Variants in NEGR1 observed in about 807,000 individuals in gnomAD.
The protein encoded by NEGR1 is neuronal growth regulator 1.
Under a neutral mutation model 40.9 loss-of-function variants are expected in NEGR1, and 10 were observed. The ratio of observed to expected loss-of-function variants is 0.24; its 90% CI spans 0.15 to 0.42. The LOEUF is 0.42. Among genes scored for constraint, NEGR1 ranks in the 10% least tolerant of loss-of-function variants. The pLI, the probability that NEGR1 is intolerant of heterozygous loss-of-function variation, is 1.00. For missense variants in NEGR1, 352 were observed against 438.9 expected, an observed-to-expected ratio of 0.80 and a Z score of 1.77; for synonymous variants, 185 against 166.8, an observed-to-expected ratio of 1.11 and a Z score of -0.84.
intron 1 of NEGR1, among the ~76,000 whole-genome samples, chr1:72,134,763 G>A (rs976927120): frequency 1.3e-5 from 2 of 150,532 alleles, no homozygotes; most frequent in African/African-American, 4.9e-5. Flanking sequence ...TTGAGATGGA[G>A]TTTCGCTCTT....
intron 1 of NEGR1, among the ~76,000 whole-genome samples, chr1:72,217,413 G>T (rs150250272): frequency 6.6e-6 from 1 of 151,656 alleles, no homozygotes; most frequent in East Asian, 1.9e-4. Flanking sequence ...ATCTTGAGTG[G>T]CTTTTTTTAA....
At chr1:72,224,201 C>A (rs1227310412) in intron 1 of NEGR1, among the ~76,000 whole-genome samples, 1 of 67,552 alleles carries the variant, frequency 1.5e-5, no homozygotes, top group Non-Finnish European at 5.1e-5. Context: ...TCAACATTTA[C>A]TGTCTAAGTT....
chr1:71,568,075 CA>C (rs1305108108), intron 6 of NEGR1, among the ~76,000 whole-genome samples: 1 of 152,086 alleles, frequency 6.6e-6, no homozygotes, highest in Non-Finnish European at 1.5e-5. Context: ...TGTATAAGTT[CA>C]AAGATTCACA....
chr1:71,948,248 C>T (rs906294868), intron 1 of NEGR1, among the ~76,000 whole-genome samples: 12 of 151,936 alleles, frequency 7.9e-5, no homozygotes, highest in African/African-American at 2.9e-4. Context: ...AAAAATTGTG[C>T]CCTATTCTAC....
At chr1:71,809,677 G>T (rs1657918218) in intron 2 of NEGR1, among the ~76,000 whole-genome samples, 1 of 151,998 alleles carries the variant, frequency 6.6e-6, no homozygotes, top group Non-Finnish European at 1.5e-5. Flanking sequence ...TGACTTCATA[G>T]TATTATTATA....
At chr1:72,237,893 CT>C (rs1157416268) in intron 1 of NEGR1, among the ~76,000 whole-genome samples, 2 of 151,818 alleles carry the variant, frequency 1.3e-5, no homozygotes, top group Admixed American at 1.3e-4. Context: ...TAATAACAGC[CT>C]TATGCAGGGT....
chr1:72,065,302 T>G (rs72680872), intron 1 of NEGR1, among the ~76,000 whole-genome samples: 105 of 152,190 alleles, frequency 6.9e-4, no homozygotes, highest in Non-Finnish European at 1.2e-3. Context: ...TTCTTAAAAT[T>G]TATGTATTCT....
chr1:71,905,025 T>C (rs1397507812), intron 2 of NEGR1, among the ~76,000 whole-genome samples: 2 of 152,100 alleles, frequency 1.3e-5, no homozygotes, highest in Non-Finnish European at 2.9e-5. Flanking sequence ...TTTAGAATGT[T>C]CCTCCAAAAA....
chr1:72,006,591 A>G (rs1557480133), intron 1 of NEGR1, among the ~76,000 whole-genome samples: 1 of 152,212 alleles, frequency 6.6e-6, no homozygotes, highest in Non-Finnish European at 1.5e-5. Flanking sequence ...TTAAGCACCC[A>G]GTAATTAGCC....
intron 4 of NEGR1, among the ~76,000 whole-genome samples, chr1:71,631,019 A>C (rs963485804): frequency 6.6e-6 from 1 of 151,920 alleles, no homozygotes; most frequent in Admixed American, 6.6e-5. Flanking sequence ...TTATGAACTG[A>C]ATTTATTAAC....
chr1:71,569,041 C>T (rs1570044408), intron 6 of NEGR1, among the ~76,000 whole-genome samples: 2 of 151,878 alleles, frequency 1.3e-5, no homozygotes, highest in African/African-American at 2.4e-5. Context: ...CTCAGCTTCC[C>T]GAGTAGCTGG....
chr1:71,863,909 T>C (rs1283563964), intron 2 of NEGR1, among the ~76,000 whole-genome samples: 2 of 152,144 alleles, frequency 1.3e-5, no homozygotes, highest in Non-Finnish European at 2.9e-5. Flanking sequence ...AGTTTATACA[T>C]GTTATCTTAT....
At chr1:71,950,101 T>G (rs911212403) in intron 1 of NEGR1, among the ~76,000 whole-genome samples, 1 of 152,096 alleles carries the variant, frequency 6.6e-6, no homozygotes, top group Non-Finnish European at 1.5e-5. Flanking sequence ...ATTATTCTTA[T>G]GAATTCAAAG....
chr1:71,480,238 C>A (rs1386052936), intron 6 of NEGR1, among the ~76,000 whole-genome samples: 1 of 151,836 alleles, frequency 6.6e-6, no homozygotes, highest in Non-Finnish European at 1.5e-5. Flanking sequence ...TCAAAACAAT[C>A]CTGTGAATCT....
intron 1 of NEGR1, among the ~76,000 whole-genome samples, chr1:72,167,991 A>ATATTAT (rs537158290): frequency 7.4e-5 from 10 of 135,572 alleles, no homozygotes; most frequent in African/African-American, 1.9e-4. Flanking sequence ...TAAGGTAGTT[A>ATATTAT]TATTATTATT....
intron 2 of NEGR1, among the ~76,000 whole-genome samples, chr1:71,898,959 TA>T (rs1661057305): frequency 5.4e-5 from 5 of 93,284 alleles, no homozygotes; most frequent in East Asian, 4.5e-4. Context: ...AATATATATA[TA>T]TAGCATATAT....
Position 71,399,419 on chromosome 1 carries a change from C to T in NEGR1, c.*8027G>A, listed in dbSNP as rs1232355991. 1 of 152,068 alleles carries T rather than the reference C, an allele frequency of 6.6e-6. No homozygotes were observed. The highest frequency in any genetic ancestry group is 1.5e-5 in the Non-Finnish European group (1 of 67,998). The allele number at this position is 152,068 out of a possible 1,614,324, so 9.4% of individuals were successfully genotyped here. ...TATTCCAAATTTTTTTAAAAATCTG[C>T]TTTTCTCCATGTCAGTATTTACAGC... On this transcript the variant is annotated 3_prime_UTR_variant, in exon 7 of 7. Coordinates refer to ENST00000357731, the MANE Select transcript of NEGR1 (RefSeq NM_173808.3).
At chr1:71,912,651 C>A (rs1222550389) in intron 2 of NEGR1, among the ~76,000 whole-genome samples, 1 of 152,052 alleles carries the variant, frequency 6.6e-6, no homozygotes, top group Non-Finnish European at 1.5e-5. Context: ...TAATTTGAGT[C>A]CCTTTTATTG....
intron 6 of NEGR1, among the ~76,000 whole-genome samples, chr1:71,504,395 C>A (rs1647018976): frequency 1.3e-5 from 2 of 151,858 alleles, no homozygotes; most frequent in African/African-American, 4.8e-5. Context: ...ATCCCCCTCA[C>A]AGGAGACAAA....
Sources: allele counts gnomAD v4.1 joint callset (sites outside exome capture counted in the v4.1 genomes callset), GRCh38; gene constraint gnomAD v4.1.1; transcripts MANE v1.5; gene names NCBI Gene and HGNC (gene_info 2026-07-23, HGNC 2026-07-21).